NELL2: variants seen among roughly 807,000 people sequenced by gnomAD.
NELL2 encodes the protein protein kinase C-binding protein NELL2.
A neutral mutation model predicts 109.6 loss-of-function variants in NELL2; 41 were observed. That is an observed-to-expected ratio of 0.37 (90% CI 0.29 to 0.49). The LOEUF is 0.49. Ranked by LOEUF, NELL2 falls within the 20% of genes least tolerant of loss-of-function variation. The pLI is 0.98. For missense variants in NELL2, 900 were observed against 1,008.3 expected, an observed-to-expected ratio of 0.89 and a Z score of 1.45; for synonymous variants, 355 against 344.7, an observed-to-expected ratio of 1.03 and a Z score of -0.33.
intron 2 of NELL2, among the ~76,000 whole-genome samples, chr12:44,855,786 A>G (rs946023958): frequency 2.0e-5 from 3 of 152,178 alleles, no homozygotes; most frequent in African/African-American, 7.2e-5. Flanking sequence ...GTTCTTCAAA[A>G]TGCTGTTATT....
intron 16 of NELL2, 27 bp from the exon 17 acceptor site, chr12:44,523,511 A>G (rs750179536): frequency 9.4e-6 from 15 of 1,602,242 alleles, no homozygotes; most frequent in South Asian, 3.3e-5. Flanking sequence ...GCAGCACTCA[A>G]TGTGCTTAGA....
chr12:44,786,822 A>G (rs1167768690), intron 3 of NELL2, among the ~76,000 whole-genome samples: 1 of 152,194 alleles, frequency 6.6e-6, no homozygotes, highest in East Asian at 1.9e-4. Flanking sequence ...TGGGAGTTGA[A>G]CAATGAGAAC....
At chr12:44,648,943 T>TGTGTG (rs1292852759) in intron 13 of NELL2, among the ~76,000 whole-genome samples, 11 of 147,758 alleles carry the variant, frequency 7.4e-5, no homozygotes, top group South Asian at 2.1e-4. Context: ...TGTGTGTGTG[T>TGTGTG]TTAGTAGAGA....
intron 2 of NELL2, among the ~76,000 whole-genome samples, chr12:44,862,047 C>A (rs1352302512): frequency 6.6e-6 from 1 of 152,196 alleles, no homozygotes; most frequent in East Asian, 1.9e-4. Context: ...ATATAAACTT[C>A]ATGACAAAGC....
chr12:44,914,776 C>T (rs187527429), upstream of NELL2, among the ~76,000 whole-genome samples: 48 of 151,840 alleles, frequency 3.2e-4, no homozygotes, highest in East Asian at 9.1e-3. Context: ...AGAAAGGTCT[C>T]GGCTAGAGAT....
chr12:44,830,150 G>A (rs529727741), intron 2 of NELL2, among the ~76,000 whole-genome samples: 6 of 152,102 alleles, frequency 3.9e-5, no homozygotes, highest in South Asian at 4.2e-4. Flanking sequence ...AAAAAATAAT[G>A]ACATATAAAA....
At chr12:44,677,476 T>G (rs188686314) in intron 12 of NELL2, among the ~76,000 whole-genome samples, 8 of 152,248 alleles carry the variant, frequency 5.3e-5, no homozygotes, top group African/African-American at 1.9e-4. Flanking sequence ...TCCAGACATA[T>G]TCTATGCCTA....
At chr12:44,687,907 G>A (rs1948778122) in intron 12 of NELL2, among the ~76,000 whole-genome samples, 1 of 152,014 alleles carries the variant, frequency 6.6e-6, no homozygotes, top group South Asian at 2.1e-4. Flanking sequence ...TTGCATTTCT[G>A]TAATGAAAAA....
At chr12:44,747,110 T>A (rs1323740717) in intron 9 of NELL2, among the ~76,000 whole-genome samples, 1 of 152,324 alleles carries the variant, frequency 6.6e-6, no homozygotes, top group East Asian at 1.9e-4. Context: ...CATGGAATAC[T>A]ATGCAGCCAT....
intron 13 of NELL2, among the ~76,000 whole-genome samples, chr12:44,623,003 T>C (rs1350962029): frequency 1.3e-5 from 2 of 152,114 alleles, no homozygotes; most frequent in Non-Finnish European, 1.5e-5. Flanking sequence ...TTTCAGACTA[T>C]TTATTTCTAA....
At chr12:44,759,420 A>G (rs946493852) in intron 9 of NELL2, among the ~76,000 whole-genome samples, 50 of 152,170 alleles carry the variant, frequency 3.3e-4, no homozygotes, top group Admixed American at 3.2e-3. Flanking sequence ...TGCAACTATC[A>G]TATAAAGAAG....
intron 1 of NELL2, among the ~76,000 whole-genome samples, chr12:44,898,718 C>A (rs1945623876): frequency 6.6e-6 from 1 of 152,162 alleles, no homozygotes; most frequent in East Asian, 1.9e-4. Flanking sequence ...GATCACAACT[C>A]CTCGCCAGCA....
chr12:44,772,144 AAG>A (rs1311607719), intron 9 of NELL2, among the ~76,000 whole-genome samples: 1 of 152,214 alleles, frequency 6.6e-6, no homozygotes, highest in Non-Finnish European at 1.5e-5. Flanking sequence ...TTATATTTAA[AAG>A]AGTAAAAAAC....
intron 1 of NELL2, among the ~76,000 whole-genome samples, chr12:44,908,606 A>G (rs533180031): frequency 6.6e-6 from 1 of 152,088 alleles, no homozygotes; most frequent in Non-Finnish European, 1.5e-5. Flanking sequence ...CCACATGGAC[A>G]TTAAAATATT....
At chr12:44,870,302 G>A (rs973525635) in intron 2 of NELL2, among the ~76,000 whole-genome samples, 2 of 152,088 alleles carry the variant, frequency 1.3e-5, no homozygotes, top group Admixed American at 1.3e-4. Flanking sequence ...GTCTATTTAA[G>A]GCAATCTAGG....
chr12:44,743,119 A>G (rs1191304538), intron 9 of NELL2, among the ~76,000 whole-genome samples: 1 of 152,218 alleles, frequency 6.6e-6, no homozygotes, highest in African/African-American at 2.4e-5. Context: ...GAAACTCTAC[A>G]AGCCAGAAGA....
intron 13 of NELL2, among the ~76,000 whole-genome samples, chr12:44,630,862 C>A (rs1946430389): frequency 6.6e-6 from 1 of 151,988 alleles, no homozygotes; most frequent in Non-Finnish European, 1.5e-5. Context: ...TTTTCCTGTG[C>A]TCCAGGGTGT....
intron 3 of NELL2, among the ~76,000 whole-genome samples, chr12:44,811,714 G>C (rs531604906): frequency 6.6e-6 from 1 of 152,164 alleles, no homozygotes; most frequent in Admixed American, 6.6e-5. Context: ...GGTGTTCACT[G>C]CAAATAGCCC....
At chr12:44,635,993 CT>C (rs921964660) in intron 13 of NELL2, among the ~76,000 whole-genome samples, 3 of 152,106 alleles carry the variant, frequency 2.0e-5, no homozygotes, top group Non-Finnish European at 4.4e-5. Context: ...TTGAAGAGGT[CT>C]TTCATGTCCC....
Sources: gnomAD v4.1 joint callset for allele counts (sites outside exome capture counted in the v4.1 genomes callset) on GRCh38, gnomAD v4.1.1 for gene constraint, MANE v1.5 for transcripts, NCBI Gene and HGNC (gene_info 2026-07-23, HGNC 2026-07-21) for gene names.